The following PTK2 variants were observed in gnomAD, a reference collection of about 807,000 sequenced individuals.
The protein encoded by PTK2 is focal adhesion kinase 1.
PTK2 carries 45 observed loss-of-function variants against 150.1 expected under a neutral mutation model. The ratio of observed to expected loss-of-function variants is 0.30; its 90% CI spans 0.24 to 0.38. The LOEUF (loss-of-function observed/expected upper bound fraction) is 0.38. PTK2 is among the 10% of genes least tolerant of loss of function. The pLI is 1.00. For missense variants in PTK2, 919 were observed against 1,307.3 expected (o/e 0.70, Z 4.58); for synonymous variants, 432 against 449.2 (o/e 0.96, Z 0.48).
At chr8:140,719,919 AAAC>A (rs1222878569) in intron 22 of PTK2, among the ~76,000 whole-genome samples, 180 of 149,586 alleles carry the variant, frequency 1.2e-3, no homozygotes, top group Middle Eastern at 3.4e-3. Flanking sequence ...AAAAAATCAA[AAAC>A]AACAACAACA....
At chr8:140,881,547 G>A (rs2100149067) in intron 3 of PTK2, among the ~76,000 whole-genome samples, 1 of 152,132 alleles carries the variant, frequency 6.6e-6, no homozygotes, top group Non-Finnish European at 1.5e-5. Flanking sequence ...TTCAAGAGGC[G>A]GCTCTCTCTT....
chr8:140,956,976 A>G lies in PTK2; in HGVS notation c.-121-31227T>C, dbSNP rs190476219. 4.5e-3 allele frequency among the ~76,000 whole-genome samples: 687 copies of G among 152,202 alleles called. 4 individuals carry two copies. Among genetic ancestry groups the G allele is most frequent in the African/African-American group, 0.016 (650 of 41,536 alleles). On this transcript the variant is annotated intron_variant, in intron 1 of 31. Coordinates refer to ENST00000522684, the Ensembl canonical transcript of PTK2. ...CTTGAGAGGCTGAGGCAGGAGAATC[A>G]CTTGAACCCAGGAGGCAGAGGTTGC...
chr8:140,977,704 T>C (rs566853644), intron 1 of PTK2, among the ~76,000 whole-genome samples: 10 of 151,432 alleles, frequency 6.6e-5, no homozygotes, highest in Admixed American at 6.6e-4. Context: ...CTCAAAATAA[T>C]AATAATAAAT....
In PTK2 at chr8:140,717,713, G is replaced by A. The variant is rs1445128754; in HGVS notation, c.2031-4C>T. ...CTTCTCTTCCTCCAGGATTGTGCTA[G>A]AGAGACAACACATTGTCTTAGGGGA... On this transcript the variant is annotated splice_polypyrimidine_tract_variant and splice_region_variant and intron_variant, in intron 22 of 31. Transcript: ENST00000522684. The A allele has an allele frequency of 6.2e-7, 1 of 1,611,830 alleles. No homozygotes were observed. Among genetic ancestry groups the A allele is most frequent in the East Asian group, 2.2e-5 (1 of 44,870 alleles).
intron 14 of PTK2, among the ~76,000 whole-genome samples, chr8:140,774,034 G>A (rs1254802609): frequency 1.3e-5 from 2 of 152,086 alleles, no homozygotes; most frequent in Non-Finnish European, 2.9e-5. Context: ...ATGTGATTAC[G>A]CTGGTTCAGA....
intron 14 of PTK2, among the ~76,000 whole-genome samples, chr8:140,776,364 T>C (rs886194803): frequency 6.6e-6 from 1 of 152,272 alleles, no homozygotes; most frequent in African/African-American, 2.4e-5. Context: ...CTGTTCTTTT[T>C]TCCTTTACAA....
chr8:140,792,102 A>G (rs1157830307), intron 13 of PTK2, among the ~76,000 whole-genome samples: 4 of 152,192 alleles, frequency 2.6e-5, no homozygotes, highest in Non-Finnish European at 5.9e-5. Context: ...CAGGCCTGTG[A>G]CTGACCTTAC....
intron 14 of PTK2, among the ~76,000 whole-genome samples, chr8:140,766,398 A>C (rs2100072298): frequency 6.6e-6 from 1 of 152,212 alleles, no homozygotes; most frequent in Non-Finnish European, 1.5e-5. Flanking sequence ...TTCTGGTTTT[A>C]GCCACCTATT....
At chr8:140,972,328 G>A (rs984625881) in intron 1 of PTK2, among the ~76,000 whole-genome samples, 1 of 152,148 alleles carries the variant, frequency 6.6e-6, no homozygotes, top group Non-Finnish European at 1.5e-5. Flanking sequence ...ACAGTGGCAT[G>A]ATCTCGGCTC....
intron 1 of PTK2, among the ~76,000 whole-genome samples, chr8:140,931,513 C>T (rs1331995297): frequency 6.6e-6 from 1 of 152,006 alleles, no homozygotes; most frequent in Non-Finnish European, 1.5e-5. Flanking sequence ...CTGCAATGAG[C>T]CATGATTGTG....
intron 16 of PTK2, among the ~76,000 whole-genome samples, chr8:140,756,906 G>A (rs1232857029): frequency 2.7e-5 from 4 of 150,576 alleles, no homozygotes; most frequent in Admixed American, 6.6e-5. Context: ...GGAGAATGGC[G>A]TGAACCCGGG....
chr8:140,982,295 G>C (rs764778438), intron 1 of PTK2, among the ~76,000 whole-genome samples: 26 of 152,196 alleles, frequency 1.7e-4, no homozygotes, highest in Non-Finnish European at 3.4e-4. Context: ...GATACACACT[G>C]CATCATTAAG....
intron 2 of PTK2, among the ~76,000 whole-genome samples, chr8:140,923,819 T>C (rs2100168418): frequency 6.6e-6 from 1 of 152,292 alleles, no homozygotes; most frequent in South Asian, 2.1e-4. Flanking sequence ...CCAGAATACA[T>C]GTATTTCTCA....
At chr8:140,795,568 A>G (rs544376948) in intron 12 of PTK2, among the ~76,000 whole-genome samples, 1 of 152,260 alleles carries the variant, frequency 6.6e-6, no homozygotes, top group African/African-American at 2.4e-5. Context: ...GCTCAACATC[A>G]TTTGATATAT....
intron 14 of PTK2, among the ~76,000 whole-genome samples, chr8:140,770,012 G>A (rs1030201755): frequency 1.3e-5 from 2 of 152,166 alleles, no homozygotes; most frequent in African/African-American, 4.8e-5. Flanking sequence ...TGTATGTTTA[G>A]TTACAAGAAG....
intron 10 of PTK2, 47 bp downstream of exon 10, chr8:140,818,230 T>G: frequency 6.7e-7 from 1 of 1,499,406 alleles, no homozygotes; most frequent in Non-Finnish European, 9.3e-7. Flanking sequence ...TTAATTTGAT[T>G]CTTCTTTGTG....
At chr8:140,778,617 A>G (rs2100079798) in intron 14 of PTK2, among the ~76,000 whole-genome samples, 1 of 152,244 alleles carries the variant, frequency 6.6e-6, no homozygotes, top group African/African-American at 2.4e-5. Flanking sequence ...TATTCGCTTT[A>G]CGGTTCAGTT....
intron 15 of PTK2, among the ~76,000 whole-genome samples, chr8:140,762,865 C>T (rs564944768): frequency 1.2e-3 from 180 of 152,164 alleles, no homozygotes; most frequent in Non-Finnish European, 1.6e-3. Flanking sequence ...ACTGCAGCCT[C>T]GACCTCACAG....
intron 22 of PTK2, among the ~76,000 whole-genome samples, chr8:140,721,234 C>A (rs2154296260): frequency 6.6e-6 from 1 of 152,318 alleles, no homozygotes; most frequent in East Asian, 1.9e-4. Flanking sequence ...TACAAAGGAG[C>A]AACCATGTCT....
Sources: allele counts gnomAD v4.1 joint callset (sites outside exome capture counted in the v4.1 genomes callset), GRCh38; gene constraint gnomAD v4.1.1; transcripts MANE v1.5; gene names NCBI Gene and HGNC (gene_info 2026-07-23, HGNC 2026-07-21).